The following COL23A1 variants were observed in gnomAD, a reference collection of about 807,000 sequenced individuals.
COL23A1 encodes the protein collagen type XXIII alpha 1 chain, also known as collagen alpha-1(XXIII) chain.
COL23A1 carries 97 observed loss-of-function variants against 99.3 expected under a neutral mutation model. The ratio of observed to expected loss-of-function variants is 0.98; its 90% confidence interval spans 0.83 to 1.16. The LOEUF is 1.16. COL23A1 is among the 50% of genes most tolerant of loss of function. COL23A1 has a pLI of 0.00. For missense variants in COL23A1, 762 were observed against 757.4 expected (o/e 1.01, Z -0.07); for synonymous variants, 320 against 308.2 (o/e 1.04, Z -0.40).
chr5:178,441,365 A>G (rs776916263), intron 2 of COL23A1, among the ~76,000 whole-genome samples: 11 of 152,222 alleles, frequency 7.2e-5, no homozygotes, highest in Non-Finnish European at 1.5e-4. Context: ...TAGCCTAAAA[A>G]TACTAATAAA....
intron 2 of COL23A1, among the ~76,000 whole-genome samples, chr5:178,558,031 C>G (rs116815869): frequency 1.3e-4 from 20 of 151,426 alleles, no homozygotes; most frequent in African/African-American, 4.9e-4. Flanking sequence ...AGCATCAGCA[C>G]GGTGCTGATG....
intron 2 of COL23A1, among the ~76,000 whole-genome samples, chr5:178,485,542 G>C (rs1310564241): frequency 6.6e-6 from 1 of 151,604 alleles, no homozygotes; most frequent in Non-Finnish European, 1.5e-5. Context: ...GGAGGCCAAG[G>C]TGGGCAGACC....
chr5:178,557,211 G>A (rs542839546), intron 2 of COL23A1, among the ~76,000 whole-genome samples: 3 of 152,280 alleles, frequency 2.0e-5, no homozygotes, highest in East Asian at 3.9e-4. Flanking sequence ...TGGTCTGTGC[G>A]TCTCTGCCTC....
intron 2 of COL23A1, among the ~76,000 whole-genome samples, chr5:178,465,347 G>A (rs983493401): frequency 6.6e-6 from 1 of 152,188 alleles, no homozygotes; most frequent in Non-Finnish European, 1.5e-5. Flanking sequence ...ATTCTTTAGC[G>A]TGACCGGACT....
chr5:178,250,916 T>C (rs1236540218), intron 17 of COL23A1, among the ~76,000 whole-genome samples: 1 of 141,426 alleles, frequency 7.1e-6, no homozygotes, highest in Non-Finnish European at 1.5e-5. Context: ...GGGAGACAGG[T>C]TGCAGTGAGC....
At chr5:178,557,855 T>G (rs959383525) in intron 2 of COL23A1, among the ~76,000 whole-genome samples, 1 of 151,980 alleles carries the variant, frequency 6.6e-6, no homozygotes, top group Non-Finnish European at 1.5e-5. Context: ...GGTTTAGTGT[T>G]GATGAAGGTT....
intron 2 of COL23A1, among the ~76,000 whole-genome samples, chr5:178,472,772 T>A (rs910121618): frequency 3.3e-5 from 5 of 152,138 alleles, no homozygotes; most frequent in Admixed American, 3.3e-4. Context: ...CAGTCAGCCC[T>A]CCATATCCAT....
At chr5:178,430,811 A>G (rs1428232396) in intron 2 of COL23A1, among the ~76,000 whole-genome samples, 1 of 152,176 alleles carries the variant, frequency 6.6e-6, no homozygotes, top group African/African-American at 2.4e-5. Flanking sequence ...ATTCTCTCCC[A>G]GCCATGCATA....
chr5:178,294,280 A>C (rs1757617317), intron 3 of COL23A1, among the ~76,000 whole-genome samples: 1 of 125,502 alleles, frequency 8.0e-6, no homozygotes, highest in African/African-American at 3.0e-5. Flanking sequence ...TCCCCAAATC[A>C]CTACCGAGCT....
chr5:178,257,377 G>A (rs1765364203), intron 13 of COL23A1, 146 bp downstream of exon 13: 5 of 895,022 alleles, frequency 5.6e-6, no homozygotes, highest in Admixed American at 2.1e-5. Flanking sequence ...GTGGGGCCGC[G>A]GCCTTCCTCT....
At chr5:178,242,667 C>T (rs1010930025) in intron 25 of COL23A1, among the ~76,000 whole-genome samples, 41 of 152,242 alleles carry the variant, frequency 2.7e-4, no homozygotes, top group Non-Finnish European at 2.9e-5. Flanking sequence ...GGCTGTCTCT[C>T]ACATCACAGA....
intron 2 of COL23A1, among the ~76,000 whole-genome samples, chr5:178,547,256 G>A (rs1761634588): frequency 6.6e-6 from 1 of 151,976 alleles, no homozygotes. Context: ...CAGCCCCTGG[G>A]GCACACTCGG....
intron 12 of COL23A1, among the ~76,000 whole-genome samples, chr5:178,258,938 G>A (rs1420532920): frequency 7.3e-6 from 1 of 136,916 alleles, no homozygotes; most frequent in Non-Finnish European, 1.5e-5. Context: ...TTTTTGAGAC[G>A]AGTCTCACTC....
chr5:178,570,195 C>T (rs374749551), intron 1 of COL23A1, among the ~76,000 whole-genome samples: 1 of 151,698 alleles, frequency 6.6e-6, no homozygotes, highest in Non-Finnish European at 1.5e-5. Flanking sequence ...TCACTACAGC[C>T]TCGACCTCCT....
At chr5:178,382,788 G>A (rs183558981) in intron 2 of COL23A1, among the ~76,000 whole-genome samples, 1 of 152,354 alleles carries the variant, frequency 6.6e-6, no homozygotes, top group East Asian at 1.9e-4. Context: ...GTTCAGAAGC[G>A]CCCTGGCTCT....
intron 2 of COL23A1, among the ~76,000 whole-genome samples, chr5:178,548,878 T>C (rs940761282): frequency 2.6e-5 from 4 of 152,192 alleles, no homozygotes; most frequent in Non-Finnish European, 5.9e-5. Flanking sequence ...AAAATAAATG[T>C]CTATCAGCAG....
At chr5:178,501,953 C>T (rs564362020) in intron 2 of COL23A1, among the ~76,000 whole-genome samples, 11 of 152,266 alleles carry the variant, frequency 7.2e-5, no homozygotes, top group African/African-American at 1.7e-4. Flanking sequence ...CAGGGAAGGA[C>T]GGCTAAAACA....
intron 5 of COL23A1, among the ~76,000 whole-genome samples, chr5:178,283,696 T>C (rs1339119782): frequency 6.6e-6 from 1 of 152,206 alleles, no homozygotes; most frequent in African/African-American, 2.4e-5. Flanking sequence ...ATTGTGACAT[T>C]GTAAATAGGA....
chr5:178,247,885 C>T, intron 20 of COL23A1, 54 bp from the exon 21 acceptor site: 2 of 1,493,212 alleles, frequency 1.3e-6, no homozygotes, highest in Non-Finnish European at 1.8e-6. Context: ...CCTCACCTAC[C>T]CGCACCCGAG....
Sources: gnomAD v4.1 joint callset for allele counts (sites outside exome capture counted in the v4.1 genomes callset) on GRCh38, gnomAD v4.1.1 for gene constraint, MANE v1.5 for transcripts, NCBI Gene and HGNC (gene_info 2026-07-23, HGNC 2026-07-21) for gene names.